Variants in BRD4 observed in about 807,000 individuals in gnomAD.
The protein encoded by BRD4 is bromodomain-containing protein 4.
In BRD4, 16 loss-of-function variants were observed where a neutral mutation model predicts 142.1. The observed-to-expected ratio is 0.11, with a 90% confidence interval of 0.08 to 0.17. BRD4 has a LOEUF of 0.17. BRD4 is among the 10% of genes least tolerant of loss of function. The pLI, the probability that BRD4 is intolerant of heterozygous loss-of-function variation, is 1.00. For synonymous variants in BRD4, 833 were observed against 707.5 expected, an observed-to-expected ratio of 1.18 and a Z score of -2.82; for missense variants, 1,424 against 1,810.9, an observed-to-expected ratio of 0.79 and a Z score of 3.88.
At chr19:15,304,725 T>C (rs2047898968) in intron 1 of BRD4, among the ~76,000 whole-genome samples, 2 of 152,172 alleles carry the variant, frequency 1.3e-5, no homozygotes, top group South Asian at 2.1e-4. Flanking sequence ...TCAATGTGTC[T>C]GTATGCTGTA....
chr19:15,289,487 G>T lies in BRD4; in HGVS notation c.-34-16354C>A, dbSNP rs553638616. Among the ~76,000 whole-genome samples, 8 of 152,208 alleles carry T rather than the reference G, an allele frequency of 5.3e-5. No individual in the cohort carries two copies. In the South Asian group the frequency reaches 1.7e-3, roughly 32 times the overall value. On this transcript the variant is annotated intron_variant, in intron 1 of 19. Coordinates refer to ENST00000679869, the MANE Select transcript of BRD4 (RefSeq NM_001379291.1). ...AATCACTTGAACCCTGGAGGCGGAG[G>T]TTGCGATGAGCCGAGATCGCGCCAC...
At chr19:15,315,296 G>T (rs1164940703) in intron 1 of BRD4, among the ~76,000 whole-genome samples, 1 of 152,014 alleles carries the variant, frequency 6.6e-6, no homozygotes, top group African/African-American at 2.4e-5. Flanking sequence ...TCTAGCACAG[G>T]GGTATTAGGA....
intron 1 of BRD4, among the ~76,000 whole-genome samples, chr19:15,318,376 A>C (rs2048033753): frequency 6.6e-6 from 1 of 152,212 alleles, no homozygotes; most frequent in Non-Finnish European, 1.5e-5. Context: ...CTCTGCCCCA[A>C]TTACAGAAGT....
At position 15,252,712 on chromosome 19, in the gene BRD4, G is replaced by A. The variant is rs535090073; in HGVS notation, c.2158+1440C>T. Among the ~76,000 whole-genome samples, 16 of 152,364 alleles carry A rather than the reference G, an allele frequency of 1.1e-4. No homozygotes were observed. The East Asian group carries it at 3.1e-3, about 29-fold the overall frequency. On this transcript the variant is annotated intron_variant, in intron 11 of 19. Transcript: ENST00000679869. The stretch of plus-strand genomic sequence containing the variant: ...GGCGACAGGGAAGGCCAGGAGGCCA[G>A]TGAGCTGCCCACGGCATTCTGCATG...
At position 15,326,731 on chromosome 19, in the gene BRD4, G is replaced by A. The variant is rs558869727; in HGVS notation, c.-35+5559C>T. 7.2e-5 allele frequency among the ~76,000 whole-genome samples: 11 copies of A among 152,208 alleles called. 1 individual carries two copies. The South Asian group carries it at 2.3e-3, about 32-fold the overall frequency. On this transcript the variant is annotated intron_variant, in intron 1 of 19. Coordinates refer to ENST00000679869, the MANE Select transcript of BRD4 (RefSeq NM_001379291.1). ...AACCAATGTTATTCCTCTTCAGGAC[G>A]AGGACAAGAATGGGACAGACGGCTG...
intron 11 of BRD4, chr19:15,248,801 C>A: frequency 4.0e-6 from 1 of 251,908 alleles, no homozygotes; most frequent in Non-Finnish European, 7.7e-6. Flanking sequence ...TTCTTCCGCA[C>A]ACTGAACGAG....
chr19:15,272,772 G>A (rs201871314), intron 2 of BRD4, 43 bp downstream of exon 2: 322 of 1,570,742 alleles, frequency 2.0e-4, no homozygotes, highest in Non-Finnish European at 2.5e-4. Flanking sequence ...TGCAGGAGAC[G>A]ACCTCCAGGA....
At chr19:15,310,624 A>G (rs555546076) in intron 1 of BRD4, among the ~76,000 whole-genome samples, 40 of 151,256 alleles carry the variant, frequency 2.6e-4, no homozygotes, top group African/African-American at 9.7e-4. Flanking sequence ...CTCCCAAAGT[A>G]CTGGGATTAC....
chr19:15,317,801 C>T (rs948273537), intron 1 of BRD4, among the ~76,000 whole-genome samples: 3 of 152,162 alleles, frequency 2.0e-5, no homozygotes, highest in East Asian at 3.8e-4. Flanking sequence ...ATAGAGAGAC[C>T]GCTCTAACAC....
In BRD4 at chr19:15,257,208, G is replaced by T. The variant is rs1305041045; in HGVS notation, c.1342-35C>A. On this transcript the variant is annotated intron_variant, in intron 7 of 19. Coordinates refer to ENST00000679869, the MANE Select transcript of BRD4 (RefSeq NM_001379291.1). ...GAAAGACATGCTGTGACGGCTGCTG[G>T]GTACCCAGGCCGCGGCCTAGCATCA... is the stretch of plus-strand genomic sequence containing the variant. 3.2e-6 allele frequency: 5 copies of T among 1,564,256 alleles called. No individual in the cohort carries two copies. The South Asian group carries it at 4.7e-5, about 15-fold the overall frequency.
At chr19:15,292,812 A>C (rs866435000) in intron 1 of BRD4, among the ~76,000 whole-genome samples, 11 of 142,978 alleles carry the variant, frequency 7.7e-5, no homozygotes, top group African/African-American at 2.9e-4. Flanking sequence ...AAAAAAAAAA[A>C]AAAGAAAGAA....
chr19:15,304,233 C>G (rs2047895023), intron 1 of BRD4, among the ~76,000 whole-genome samples: 1 of 152,178 alleles, frequency 6.6e-6, no homozygotes, highest in Non-Finnish European at 1.5e-5. Context: ...CTCCAGCCGT[C>G]TGTTTGTTTG....
intron 11 of BRD4, chr19:15,245,002 C>A: frequency 1.4e-6 from 1 of 694,046 alleles, no homozygotes; most frequent in Non-Finnish European, 2.3e-6. Flanking sequence ...AAAAAGCCTC[C>A]CCTGCCAAGC....
intron 3 of BRD4, among the ~76,000 whole-genome samples, 161 bp from the exon 4 acceptor site, chr19:15,267,712 C>G (rs1275476509): frequency 2.6e-5 from 4 of 151,902 alleles, no homozygotes; most frequent in Non-Finnish European, 4.4e-5. Flanking sequence ...GGCTACACTA[C>G]CAGGTATCAC....
chr19:15,256,310 T>C (rs2047408255), intron 8 of BRD4, 47 bp from the exon 9 acceptor site: 1 of 1,585,458 alleles, frequency 6.3e-7, no homozygotes, highest in Non-Finnish European at 8.5e-7. Flanking sequence ...GAAACCACCT[T>C]CCTGTCACCC....
At chr19:15,327,791 T>G (rs927822757) in intron 1 of BRD4, among the ~76,000 whole-genome samples, 3 of 151,252 alleles carry the variant, frequency 2.0e-5, no homozygotes, top group Admixed American at 2.0e-4. Flanking sequence ...GGTTACATAT[T>G]GTAGGATTCC....
At chr19:15,290,562 C>G (rs544978530) in intron 1 of BRD4, among the ~76,000 whole-genome samples, 84 of 152,258 alleles carry the variant, frequency 5.5e-4, no homozygotes, top group African/African-American at 1.9e-3. Flanking sequence ...GAACACCACC[C>G]AAACAGATGT....
rs768297144 is a variant in BRD4 at position 15,244,698 on chromosome 19, G to T, written c.2211+12C>A. The T allele has an allele frequency of 5.6e-6, 9 of 1,614,000 alleles. No homozygotes were observed. The highest frequency in any genetic ancestry group is 7.6e-6 in the Non-Finnish European group (9 of 1,180,026). On this transcript the variant is annotated intron_variant, in intron 12 of 19. Transcript: ENST00000679869. ...GTCCCACCTAATGAAGGATGCCCCT[G>T]AGCCCATGTACCTTCTTCTGCTCCC...
At chr19:15,254,014 GAGAC>G (rs761950650) in intron 11 of BRD4, 134 bp downstream of exon 11, 44 of 762,968 alleles carry the variant, frequency 5.8e-5, no homozygotes, top group African/African-American at 1.0e-4. Context: ...AGTTAACAAA[GAGAC>G]AGACAGACAG....
Sources: allele counts gnomAD v4.1 joint callset (sites outside exome capture counted in the v4.1 genomes callset), GRCh38; gene constraint gnomAD v4.1.1; transcripts MANE v1.5; gene names NCBI Gene and HGNC (gene_info 2026-07-23, HGNC 2026-07-21).